CLIP2: variants seen among roughly 807,000 people sequenced by gnomAD.
CLIP2 encodes CAP-Gly domain containing linker protein 2.
In CLIP2, 41 loss-of-function variants were observed where a neutral mutation model predicts 111.7. The ratio of observed to expected loss-of-function variants is 0.37; its 90% CI spans 0.29 to 0.48. CLIP2 has a LOEUF of 0.48. Ranked by LOEUF, CLIP2 falls within the 20% of genes least tolerant of loss-of-function variation. The probability of loss-of-function intolerance (pLI) is 0.99; values close to 1 mark genes in which losing one functional copy is unlikely to be tolerated. For missense variants in CLIP2, 1,160 were observed against 1,422.1 expected (o/e 0.82, Z 2.96); for synonymous variants, 660 against 644.2 (o/e 1.02, Z -0.37).
Position 74,397,083 on chromosome 7 carries a change from C to G in CLIP2, c.2730C>G (p.Asn910Lys). Residue 910 changes from asparagine to lysine, a missense_variant, in exon 14 of 17, where the codon AAC becomes AAG. By Grantham distance (94) the Asn-to-Lys change is moderately conservative. Transcript: ENST00000223398. Reference protein sequence around the residue: ...QELLRKERSLNELRVLLLEAN... With the variant: ...QELLRKERSLKELRVLLLEAN... ...CCCGCCTCACCCCCAGGAGCCTGAA[C>G]GAACTGCGGGTGTTGCTGCTGGAGG... 1 of 1,613,506 alleles carries G rather than the reference C, an allele frequency of 6.2e-7. No homozygotes were observed. The highest frequency in any genetic ancestry group is 8.5e-7 in the Non-Finnish European group (1 of 1,179,804).
In CLIP2 at chr7:74,397,069, C is replaced by T. The variant is rs1562730951; in HGVS notation, c.2721-5C>T. Reference sequence around the variant, plus strand: ...GCAGTGGTTCTGTGCCCGCCTCACCCCCAGGAGCCTGAACGAACTGCGGGT... The same window carrying T: ...GCAGTGGTTCTGTGCCCGCCTCACCTCCAGGAGCCTGAACGAACTGCGGGT... On this transcript the variant is annotated splice_region_variant and splice_polypyrimidine_tract_variant and intron_variant, in intron 13 of 16. Transcript: ENST00000223398. 11 of 1,613,220 alleles carry T rather than the reference C, an allele frequency of 6.8e-6. No homozygotes were observed. The highest frequency in any genetic ancestry group is 1.1e-5 in the South Asian group (1 of 91,012).
At chr7:74,336,374 T>A (rs1789459359) in intron 2 of CLIP2, among the ~76,000 whole-genome samples, 1 of 152,140 alleles carries the variant, frequency 6.6e-6, no homozygotes, top group East Asian at 1.9e-4. Flanking sequence ...AGCATGAGAC[T>A]GGGTAATTTA....
Position 74,366,875 on chromosome 7 carries a change from CAAAAAAAAAAAAA to C in CLIP2, c.1380+2572_1380+2584del, listed in dbSNP as rs35336151. ...TGGGCAGCAGAGTGAGACTCCTTCT[CAAAAAAAAAAAAA>C]AAAAAAAAAAAGGCCTGAAATCAAG... On this transcript the variant is annotated intron_variant, in intron 8 of 16. Transcript: ENST00000223398. Among the ~76,000 whole-genome samples, 35 of 66,138 alleles carry C rather than the reference CAAAAAAAAAAAAA, an allele frequency of 5.3e-4. 1 individual carries two copies. In the South Asian group the frequency reaches 0.018, roughly 34 times the overall value. The allele number at this position is 66,138 out of a possible 152,430, so 43.4% of individuals were successfully genotyped here.
In CLIP2 at chr7:74,389,192, T is replaced by C; in HGVS notation, c.2653T>C (p.Ser885Pro). ...RRLEAELETVSRKTHDASGQL... is the reference protein window; with the variant it reads ...RRLEAELETVPRKTHDASGQL... ...CCTGGAGGCAGAGCTGGAGACCGTG[T>C]CCCGGAAGACCCATGACGCCTCGGG... The change falls in exon 13 of 17, where the codon TCC becomes CCC. Residue 885 changes from serine (S) to proline (P), a missense_variant. Around this residue, in one of 5 missense-constraint regions of CLIP2, gnomAD observed 676 missense variants for 777.8 expected, o/e 0.87. Transcript: ENST00000223398. The C allele has an allele frequency of 6.2e-7, 1 of 1,613,568 alleles. No homozygotes were observed. The highest frequency in any genetic ancestry group is 1.1e-5 in the South Asian group (1 of 91,042).
intron 3 of CLIP2, among the ~76,000 whole-genome samples, chr7:74,349,478 A>ATATATATATATATATATATG (rs1789915690): frequency 4.6e-5 from 5 of 108,252 alleles, no homozygotes; most frequent in Non-Finnish European, 9.1e-5. Flanking sequence ...GTGTATATAT[A>ATATATATATATATATATATG]TATATATATA....
chr7:74,387,063 GC>G (rs1791130920), intron 12 of CLIP2, among the ~76,000 whole-genome samples: 1 of 149,714 alleles, frequency 6.7e-6, no homozygotes, highest in Admixed American at 6.7e-5. Context: ...CAGGTCACCT[GC>G]ACCAGACAGA....
chr7:74,404,101 GACACCC>G lies in CLIP2; in HGVS notation c.*254_*259del. ...GCCTGACCCGGGGACCTTCAGCCTG[GACACCC>G]GGCAGCTTCTGGAGTTTGTCAGTGG... On this transcript the variant is annotated 3_prime_UTR_variant, in exon 17 of 17. Transcript: ENST00000223398. 2.0e-6 allele frequency: 1 copy of G among 503,688 alleles called. No homozygotes were observed. Among genetic ancestry groups the G allele is most frequent in the Non-Finnish European group, 3.6e-6 (1 of 274,414 alleles). The allele number at this position is 503,688 out of a possible 1,614,324, so 31.2% of individuals were successfully genotyped here. A position where few individuals can be genotyped will look rare whatever the true frequency, so the allele number is the denominator to read the frequency against.
intron 10 of CLIP2, chr7:74,379,940 CCTT>C (rs782588068): frequency 3.9e-5 from 6 of 152,068 alleles, no homozygotes; most frequent in East Asian, 1.9e-4. Context: ...GGGCGAGACT[CCTT>C]CTCAAAAAAA....
At chr7:74,386,470 C>A in intron 11 of CLIP2, 51 bp from the exon 12 acceptor site, 1 of 1,514,246 alleles carries the variant, frequency 6.6e-7, no homozygotes, top group Non-Finnish European at 9.1e-7. Context: ...CTACCCACTG[C>A]TGCTTTGGTC....
chr7:74,321,856 C>T (rs781989856), intron 2 of CLIP2, among the ~76,000 whole-genome samples: 1 of 151,962 alleles, frequency 6.6e-6, no homozygotes. Flanking sequence ...ATGTCCTAGA[C>T]CTTCACATTC....
intron 13 of CLIP2, 56 bp from the exon 14 acceptor site, chr7:74,397,018 G>A (rs1239949236): frequency 1.4e-5 from 22 of 1,585,652 alleles, no homozygotes; most frequent in African/African-American, 2.7e-5. Flanking sequence ...GCTAGAGTGT[G>A]GGAGCTGGAG....
chr7:74,324,267 C>T (rs1584326145), intron 2 of CLIP2, among the ~76,000 whole-genome samples: 1 of 152,312 alleles, frequency 6.6e-6, no homozygotes, highest in East Asian at 1.9e-4. Flanking sequence ...GCCGGGATTC[C>T]AGGTGTGAGC....
At chr7:74,353,315 A>G (rs192833511) in intron 3 of CLIP2, among the ~76,000 whole-genome samples, 298 of 151,122 alleles carry the variant, frequency 2.0e-3, no homozygotes, top group East Asian at 8.2e-3. Flanking sequence ...CACTGGCGCA[A>G]TCTCGGCTCA....
At chr7:74,350,069 T>C (rs1368714060) in intron 3 of CLIP2, among the ~76,000 whole-genome samples, 1 of 152,000 alleles carries the variant, frequency 6.6e-6, no homozygotes, top group African/African-American at 2.4e-5. Flanking sequence ...GTTATTATTT[T>C]TTGAAATGGA....
intron 1 of CLIP2, among the ~76,000 whole-genome samples, chr7:74,302,638 G>A (rs771741100): frequency 6.6e-6 from 1 of 152,230 alleles, no homozygotes. Context: ...TTTGACTGGG[G>A]CACTTGGCCT....
chr7:74,323,767 C>T (rs1440518130), intron 2 of CLIP2, among the ~76,000 whole-genome samples: 1 of 152,166 alleles, frequency 6.6e-6, no homozygotes, highest in African/African-American at 2.4e-5. Context: ...AACACTTCCC[C>T]TCGTGTTACA....
At chr7:74,351,133 A>AAGAGAG (rs139848360) in intron 3 of CLIP2, among the ~76,000 whole-genome samples, 5 of 147,752 alleles carry the variant, frequency 3.4e-5, no homozygotes, top group Admixed American at 6.8e-5. Flanking sequence ...GAGAGAAAGA[A>AAGAGAG]AGAGAGAGAG....
At chr7:74,332,394 G>T (rs1789313947) in intron 2 of CLIP2, among the ~76,000 whole-genome samples, 1 of 151,140 alleles carries the variant, frequency 6.6e-6, no homozygotes, top group Admixed American at 6.6e-5. Context: ...CTCAGAGGCA[G>T]TGTCTCCCTA....
chr7:74,337,563 GT>G (rs1247333260), intron 2 of CLIP2, among the ~76,000 whole-genome samples: 1 of 150,718 alleles, frequency 6.6e-6, no homozygotes, highest in Admixed American at 6.6e-5. Context: ...AGGACTTACA[GT>G]TTCCTTGAGA....
Sources: gnomAD v4.1 joint callset for allele counts (sites outside exome capture counted in the v4.1 genomes callset) on GRCh38, gnomAD v4.1.1 for gene constraint, gnomAD v4.1.1 regional missense constraint, MANE v1.5 for transcripts, NCBI Gene and HGNC (gene_info 2026-07-23, HGNC 2026-07-21) for gene names.